The following LANCL1 variants were observed in gnomAD, a reference collection of about 807,000 sequenced individuals.
The protein encoded by LANCL1 is LanC like glutathione S-transferase 1, also known as glutathione S-transferase LANCL1.
In LANCL1, 50 loss-of-function variants were observed where a neutral mutation model predicts 50.6. That is an observed-to-expected ratio of 0.99 (90% CI 0.79 to 1.25). The LOEUF (loss-of-function observed/expected upper bound fraction) is 1.25, where lower values mean the gene tolerates loss of function less well. Among genes scored for constraint, LANCL1 ranks in the 50% most tolerant of loss-of-function variants. The probability of loss-of-function intolerance (pLI) is 0.00; values close to 1 mark genes in which losing one functional copy is unlikely to be tolerated. For missense variants in LANCL1, 532 were observed against 480.7 expected, an observed-to-expected ratio of 1.11 and a Z score of -1.00; for synonymous variants, 188 against 178.6, an observed-to-expected ratio of 1.05 and a Z score of -0.42.
chr2:210,437,608 T>G, intron 7 of LANCL1, 82 bp downstream of exon 7: 1 of 786,072 alleles, frequency 1.3e-6, no homozygotes, highest in Non-Finnish European at 1.9e-6. Context: ...TTATTGTTCC[T>G]TTATGGATTA....
chr2:210,446,731 T>C (rs760163964), intron 4 of LANCL1, among the ~76,000 whole-genome samples: 9 of 151,616 alleles, frequency 5.9e-5, no homozygotes, highest in African/African-American at 1.7e-4. Context: ...AATGGCCAAA[T>C]TGATCAAGCA....
intron 4 of LANCL1, among the ~76,000 whole-genome samples, chr2:210,454,275 G>A (rs1263860084): frequency 6.6e-6 from 1 of 150,760 alleles, no homozygotes; most frequent in Non-Finnish European, 1.5e-5. Flanking sequence ...TAAACAATAG[G>A]GGTATAAATC....
chr2:210,463,374 C>T (rs1239543997), intron 3 of LANCL1, among the ~76,000 whole-genome samples: 1 of 152,048 alleles, frequency 6.6e-6, no homozygotes, highest in Non-Finnish European at 1.5e-5. Context: ...CCAGACCTGG[C>T]TATATAAAGT....
chr2:210,468,586 T>C (rs1356230541), intron 3 of LANCL1: 3 of 152,194 alleles, frequency 2.0e-5, no homozygotes, highest in Non-Finnish European at 4.4e-5. Flanking sequence ...CAATGCAAAG[T>C]AAGCACAACT....
At chr2:210,439,086 A>T (rs975791365) in intron 6 of LANCL1, among the ~76,000 whole-genome samples, 2 of 152,242 alleles carry the variant, frequency 1.3e-5, no homozygotes, top group African/African-American at 4.8e-5. Context: ...ATTTAAGCTC[A>T]GAGTGTTACA....
At position 210,435,434 on chromosome 2, in the gene LANCL1, C is replaced by G; in HGVS notation, c.1076G>C (p.Gly359Ala). Residue 359 changes from glycine to alanine, a missense_variant, in exon 9 of 10, where the codon GGA (glycine) becomes GCA (alanine). Coordinates refer to ENST00000450366, the MANE Select transcript of LANCL1 (RefSeq NM_006055.3). ...CKFAEWCLEY[G>A]EHGCRTPDTP... Reference sequence around the variant, plus strand: ...GTCTGGTGTTCTGCATCCATGTTCTCCATACTCTAAGCACCATTCAGCAAA... The same window carrying G: ...GTCTGGTGTTCTGCATCCATGTTCTGCATACTCTAAGCACCATTCAGCAAA... The G allele has an allele frequency of 1.2e-6, 2 of 1,613,620 alleles. No homozygotes were observed. The highest frequency in any genetic ancestry group is 1.1e-5 in the South Asian group (1 of 91,076).
chr2:210,476,208 CAT>C (rs1232136390), intron 2 of LANCL1, 106 bp downstream of exon 2: 6 of 616,468 alleles, frequency 9.7e-6, no homozygotes, highest in African/African-American at 1.9e-5. Context: ...ATCGTCGAAT[CAT>C]GTATTTTTTT....
At chr2:210,453,860 T>C (rs1386634482) in intron 4 of LANCL1, among the ~76,000 whole-genome samples, 1 of 152,134 alleles carries the variant, frequency 6.6e-6, no homozygotes, top group Non-Finnish European at 1.5e-5. Flanking sequence ...AATCACTGTT[T>C]TGTTTCATCT....
chr2:210,473,739 T>C (rs896507275), intron 2 of LANCL1, among the ~76,000 whole-genome samples: 3 of 152,252 alleles, frequency 2.0e-5, no homozygotes, highest in African/African-American at 7.2e-5. Context: ...ACATCTGGAT[T>C]ATTTAATCTA....
Position 210,435,437 on chromosome 2 carries a change from T to A in LANCL1, c.1073A>T (p.Tyr358Phe), listed in dbSNP as rs370723275. 1 of 1,613,676 alleles carries A rather than the reference T, an allele frequency of 6.2e-7. No individual in the cohort carries two copies. Among genetic ancestry groups the A allele is most frequent in the East Asian group, 2.2e-5 (1 of 44,842 alleles). ...ACKFAEWCLE[Y>F]GEHGCRTPDT... ...TGGTGTTCTGCATCCATGTTCTCCA[T>A]ACTCTAAGCACCATTCAGCAAACTG... Residue 358 changes from tyrosine (Y) to phenylalanine (F), a missense_variant, in exon 9 of 10, where the codon TAT (tyrosine) becomes TTT (phenylalanine). Tyr to Phe is a conservative substitution (Grantham distance 22). Transcript: ENST00000450366.
Position 210,444,508 on chromosome 2 carries a change from G to A in LANCL1, c.408-3065C>T, listed in dbSNP as rs564195738. On this transcript the variant is annotated intron_variant, in intron 4 of 9. Coordinates refer to ENST00000450366, the MANE Select transcript of LANCL1 (RefSeq NM_006055.3). ...GAAGGAGTCTTTAAGGGAACTGCAG[G>A]AAAGTGGGGGTTGAAAAAGCATGGC... Among the ~76,000 whole-genome samples the A allele has an allele frequency of 7.2e-5, 11 of 152,346 alleles. No homozygotes were observed. The South Asian group carries it at 2.1e-3, about 29-fold the overall frequency.
chr2:210,437,787 C>A lies in LANCL1; in HGVS notation c.776G>T (p.Gly259Val), dbSNP rs1263732286. 4.3e-6 allele frequency: 7 copies of A among 1,613,256 alleles called. No individual in the cohort carries two copies. Among genetic ancestry groups the A allele is most frequent in the Non-Finnish European group, 5.9e-6 (7 of 1,179,624 alleles). Residue 259 changes from glycine (G) to valine (V), a missense_variant, in exon 7 of 10, where the codon GGC (glycine) becomes GTC (valine). Transcript: ENST00000450366. ...DYVCQLKFPSGNYPPCIGDNR... is the reference protein window; with the variant it reads ...DYVCQLKFPSVNYPPCIGDNR... ...ATCACCTATACATGGAGGGTAATTG[C>A]CAGAAGGGAATTTCAGCTGGCAGAC...
At position 210,467,555 on chromosome 2, in the gene LANCL1, C is replaced by G. The variant is rs551521310; in HGVS notation, c.199+4404G>C. On this transcript the variant is annotated intron_variant, in intron 3 of 9. Transcript: ENST00000450366. Reference sequence around the variant, plus strand: ...TTTTTTCTACCTTATTGTAAAAATACAGAACAGATTAAATGTAACACACAA... The same window carrying G: ...TTTTTTCTACCTTATTGTAAAAATAGAGAACAGATTAAATGTAACACACAA... Among the ~76,000 whole-genome samples the G allele has an allele frequency of 4.6e-5, 7 of 152,210 alleles. No individual in the cohort carries two copies. The South Asian group carries it at 1.4e-3, about 32-fold the overall frequency.
At chr2:210,465,204 T>C (rs1574439203) in intron 3 of LANCL1, among the ~76,000 whole-genome samples, 2 of 152,220 alleles carry the variant, frequency 1.3e-5, no homozygotes, top group South Asian at 4.1e-4. Context: ...TCATTATCTC[T>C]GTCTCTCCAG....
intron 4 of LANCL1, among the ~76,000 whole-genome samples, chr2:210,451,112 A>AATGTAT (rs1247389962): frequency 2.0e-5 from 3 of 152,250 alleles, no homozygotes; most frequent in Non-Finnish European, 4.4e-5. Context: ...GGATAAAGAA[A>AATGTAT]ATGTAGCACA....
rs1692753807 is a variant in LANCL1, at chr2:210,431,795, T to C, written c.*2692A>G. The C allele has an allele frequency of 6.6e-6, 1 of 152,204 alleles. No homozygotes were observed. The highest frequency in any genetic ancestry group is 1.5e-5 in the Non-Finnish European group (1 of 68,046). 9.4% of individuals were successfully genotyped at this position (152,204 alleles called of 1,614,324 possible). A position where few individuals can be genotyped will look rare whatever the true frequency, so the allele number is the denominator to read the frequency against. On this transcript the variant is annotated 3_prime_UTR_variant, in exon 10 of 10. Coordinates refer to ENST00000450366, the MANE Select transcript of LANCL1 (RefSeq NM_006055.3). ...GAAAAGAGAGCCACATGACTCAGGA[T>C]TAAAGACTGACAACTCAGGCCACAC...
chr2:210,434,647 G>T, intron 9 of LANCL1, 84 bp from the exon 10 acceptor site: 1 of 1,096,968 alleles, frequency 9.1e-7, no homozygotes, highest in Non-Finnish European at 1.4e-6. Flanking sequence ...TATCTTTATT[G>T]ACAAAAAAAG....
chr2:210,455,375 G>C, intron 3 of LANCL1, 61 bp from the exon 4 acceptor site: 1 of 1,412,612 alleles, frequency 7.1e-7, no homozygotes, highest in Non-Finnish European at 9.7e-7. Flanking sequence ...TATTATTTTT[G>C]GCATGGTGTC....
At chr2:210,447,335 T>C (rs1024422104) in intron 4 of LANCL1, among the ~76,000 whole-genome samples, 3 of 152,148 alleles carry the variant, frequency 2.0e-5, no homozygotes, top group African/African-American at 4.8e-5. Flanking sequence ...AGGCCTGCCT[T>C]ACAAGAGCTC....
Sources: gnomAD v4.1 joint callset for allele counts (sites outside exome capture counted in the v4.1 genomes callset) on GRCh38, gnomAD v4.1.1 for gene constraint, MANE v1.5 for transcripts, NCBI Gene and HGNC (gene_info 2026-07-23, HGNC 2026-07-21) for gene names.